The following NAV3 variants were observed in gnomAD, a reference collection of about 807,000 sequenced individuals.
NAV3 encodes pore membrane and/or filament interacting like protein 1.
In NAV3, 87 loss-of-function variants were observed where a neutral mutation model predicts 244.7. The ratio of observed to expected loss-of-function variants is 0.36; its 90% CI spans 0.30 to 0.42. The LOEUF is 0.42. NAV3 is among the 20% of genes least tolerant of loss of function. The pLI, the probability that NAV3 is intolerant of heterozygous loss-of-function variation, is 1.00. For missense variants in NAV3, 2,663 were observed against 2,893.3 expected, an observed-to-expected ratio of 0.92 and a Z score of 1.83; for synonymous variants, 1,126 against 1,042.2, an observed-to-expected ratio of 1.08 and a Z score of -1.55.
At chr12:77,814,240 T>C (rs1335923843) in intron 2 of NAV3, among the ~76,000 whole-genome samples, 1 of 151,764 alleles carries the variant, frequency 6.6e-6, no homozygotes, top group African/African-American at 2.4e-5. Flanking sequence ...TCCCTTCGTA[T>C]GTGGAGAAAA....
chr12:77,778,516 G>C (rs1038744322), intron 2 of NAV3, among the ~76,000 whole-genome samples: 1 of 151,272 alleles, frequency 6.6e-6, no homozygotes, highest in Admixed American at 6.6e-5. Flanking sequence ...GGAGGCTGAG[G>C]CAGGAGAATG....
intron 1 of NAV3, among the ~76,000 whole-genome samples, chr12:77,846,538 T>C (rs1168968884): frequency 6.6e-6 from 1 of 152,218 alleles, no homozygotes; most frequent in South Asian, 2.1e-4. Context: ...CTGGGATGAT[T>C]GGTTACTCGA....
chr12:78,206,021 A>ACAT (rs201415065), intron 39 of NAV3, among the ~76,000 whole-genome samples: 18 of 152,174 alleles, frequency 1.2e-4, no homozygotes, highest in Non-Finnish European at 7.4e-5. Flanking sequence ...CCTGACACAC[A>ACAT]CATCATCATC....
At chr12:77,982,074 G>C (rs1236913626) in intron 5 of NAV3, among the ~76,000 whole-genome samples, 1 of 152,088 alleles carries the variant, frequency 6.6e-6, no homozygotes, top group Admixed American at 6.6e-5. Context: ...TTTACATTCT[G>C]TTTTGCTTTG....
At chr12:77,959,320 T>C (rs534373985) in intron 3 of NAV3, among the ~76,000 whole-genome samples, 1 of 152,198 alleles carries the variant, frequency 6.6e-6, no homozygotes, top group East Asian at 1.9e-4. Context: ...TAGTAGAGTT[T>C]AAGAAATACT....
chr12:77,621,730 G>A (rs537531302), intron 2 of NAV3, among the ~76,000 whole-genome samples: 5 of 151,574 alleles, frequency 3.3e-5, no homozygotes, highest in African/African-American at 9.7e-5. Context: ...CGCCCACCTC[G>A]GCCTCCCAAA....
intron 2 of NAV3, among the ~76,000 whole-genome samples, chr12:77,619,625 G>T (rs1258999564): frequency 6.6e-6 from 1 of 152,148 alleles, no homozygotes; most frequent in African/African-American, 2.4e-5. Context: ...ATGATGTATG[G>T]CATTAATTGT....
intron 2 of NAV3, among the ~76,000 whole-genome samples, chr12:77,778,355 G>A (rs1233750412): frequency 1.3e-5 from 2 of 151,254 alleles, no homozygotes; most frequent in Non-Finnish European, 2.9e-5. Context: ...GCTCACTCCT[G>A]TAATCCCAGC....
intron 2 of NAV3, among the ~76,000 whole-genome samples, chr12:77,574,091 T>C (rs1354118861): frequency 6.6e-6 from 1 of 152,120 alleles, no homozygotes; most frequent in African/African-American, 2.4e-5. Context: ...AATACTACCT[T>C]GGTGATGTGG....
At chr12:77,796,031 C>T (rs1244806084) in intron 2 of NAV3, among the ~76,000 whole-genome samples, 2 of 152,116 alleles carry the variant, frequency 1.3e-5, no homozygotes, top group African/African-American at 4.8e-5. Flanking sequence ...AGAATCCTGT[C>T]AAGATCAAGT....
At chr12:77,702,062 A>G (rs979866914) in intron 2 of NAV3, among the ~76,000 whole-genome samples, 2 of 152,002 alleles carry the variant, frequency 1.3e-5, no homozygotes, top group African/African-American at 4.8e-5. Flanking sequence ...GGATATTAAT[A>G]TCTCCAATGA....
intron 2 of NAV3, among the ~76,000 whole-genome samples, chr12:77,639,784 T>C (rs1872317832): frequency 6.6e-6 from 1 of 152,174 alleles, no homozygotes; most frequent in African/African-American, 2.4e-5. Flanking sequence ...ATAATAACCT[T>C]GTGCTTCAAA....
At chr12:77,863,472 T>C (rs544680576) in intron 1 of NAV3, among the ~76,000 whole-genome samples, 25 of 151,994 alleles carry the variant, frequency 1.6e-4, no homozygotes, top group African/African-American at 6.0e-4. Context: ...ATTTCAGCTA[T>C]TATTTCCTAT....
rs1335075122 is a variant in NAV3, at chr12:77,968,529, T to C, written c.498T>C (p.Asn166=). Residue 166 remains asparagine (N), a synonymous_variant, in exon 5 of 40, where the codon AAT becomes AAC. Coordinates refer to ENST00000397909, the MANE Select transcript of NAV3 (RefSeq NM_001024383.2). ...VQGLSAEEIR[N]GNLKAILGLF... ...TTTCATTTCATACAGAAATAAGAAA[T>C]GGAAACTTAAAAGCCATTCTAGGGC... 1 of 1,612,668 alleles carries C rather than the reference T, an allele frequency of 6.2e-7. No individual in the cohort carries two copies. Among genetic ancestry groups the C allele is most frequent in the Non-Finnish European group, 8.5e-7 (1 of 1,179,116 alleles).
chr12:77,791,640 C>G (rs1382563671), intron 2 of NAV3, among the ~76,000 whole-genome samples: 4 of 152,154 alleles, frequency 2.6e-5, no homozygotes, highest in Non-Finnish European at 4.4e-5. Flanking sequence ...CCATTGTTGA[C>G]TTCAGGCATG....
At chr12:77,975,748 G>T (rs1263562761) in intron 5 of NAV3, among the ~76,000 whole-genome samples, 1 of 152,122 alleles carries the variant, frequency 6.6e-6, no homozygotes, top group Non-Finnish European at 1.5e-5. Flanking sequence ...ATAAGAATAA[G>T]TATGGCCCTG....
chr12:77,663,899 T>C (rs942664313), intron 2 of NAV3, among the ~76,000 whole-genome samples: 3 of 152,228 alleles, frequency 2.0e-5, no homozygotes, highest in Middle Eastern at 3.2e-3. Flanking sequence ...TATGTAGATA[T>C]ATATGTGTAC....
chr12:77,685,422 A>G (rs1455220431), intron 2 of NAV3, among the ~76,000 whole-genome samples: 1 of 151,674 alleles, frequency 6.6e-6, no homozygotes, highest in African/African-American at 2.4e-5. Flanking sequence ...ACTGTCTTCA[A>G]TGACAGATTC....
rs1457446698 is a variant in NAV3 at position 77,696,374 on chromosome 12, G to C, written c.72+124108G>C. On this transcript the variant is annotated intron_variant, in intron 2 of 8. Coordinates refer to the NAV3 transcript ENST00000550042. Reference sequence around the variant, plus strand: ...TTGGAGAGACTCATGTGGTGAGAAAGTAAAAGAGACCTCTGGACAACAGCC... The same window carrying C: ...TTGGAGAGACTCATGTGGTGAGAAACTAAAAGAGACCTCTGGACAACAGCC... 2.0e-5 allele frequency among the ~76,000 whole-genome samples: 3 copies of C among 152,260 alleles called. No individual in the cohort carries two copies. In the East Asian group the frequency reaches 5.8e-4, roughly 29 times the overall value.
Sources: allele counts gnomAD v4.1 joint callset (sites outside exome capture counted in the v4.1 genomes callset), GRCh38; gene constraint gnomAD v4.1.1; transcripts MANE v1.5; gene names NCBI Gene and HGNC (gene_info 2026-07-23, HGNC 2026-07-21).